The following ATP13A4 variants were observed in gnomAD, a reference collection of about 807,000 sequenced individuals.
ATP13A4 encodes the protein ATPase 13A4, also known as probable cation-transporting ATPase 13A4.
ATP13A4 carries 114 observed loss-of-function variants against 142.5 expected under a neutral mutation model. The observed-to-expected ratio is 0.80, with a 90% CI of 0.69 to 0.93. The LOEUF (loss-of-function observed/expected upper bound fraction) is 0.93. ATP13A4 is among the 40% of genes least tolerant of loss of function. ATP13A4 has a pLI of 0.00. For missense variants in ATP13A4, 1,392 were observed against 1,454.0 expected (o/e 0.96, Z 0.69); for synonymous variants, 488 against 514.8 (o/e 0.95, Z 0.70).
chr3:193,488,378 T>C (rs1384355211), intron 7 of ATP13A4, among the ~76,000 whole-genome samples: 1 of 152,150 alleles, frequency 6.6e-6, no homozygotes, highest in African/African-American at 2.4e-5. Flanking sequence ...ATACAGAAAA[T>C]ATGGTCCTAG....
intron 18 of ATP13A4, among the ~76,000 whole-genome samples, chr3:193,444,077 C>G (rs1716806781): frequency 6.6e-6 from 1 of 152,072 alleles, no homozygotes; most frequent in African/African-American, 2.4e-5. Flanking sequence ...TTTACAGATT[C>G]AAGAAGCTCA....
chr3:193,544,392 A>G (rs1466775482), intron 1 of ATP13A4, among the ~76,000 whole-genome samples: 1 of 152,182 alleles, frequency 6.6e-6, no homozygotes, highest in East Asian at 1.9e-4. Context: ...ACAGAGAGGG[A>G]GAATATGAAT....
intron 1 of ATP13A4, chr3:193,553,529 G>T (rs1723710229): frequency 6.6e-6 from 1 of 152,160 alleles, no homozygotes; most frequent in Admixed American, 6.5e-5. Context: ...ACTTCCTAAA[G>T]AAAACTCTTT....
At chr3:193,520,757 A>G (rs1022072292) in intron 1 of ATP13A4, among the ~76,000 whole-genome samples, 1 of 152,240 alleles carries the variant, frequency 6.6e-6, no homozygotes, top group Non-Finnish European at 1.5e-5. Flanking sequence ...CATGCAGCTG[A>G]GTCCCATTTT....
chr3:193,401,752 C>A lies in ATP13A4; in HGVS notation c.*900G>T, dbSNP rs1490590953. ...AGAGTGTTAAAGCCAAGTGTGGGGA[C>A]CTTCTAAGCATGGGGCCCTGTGTAG... On this transcript the variant is annotated 3_prime_UTR_variant, in exon 30 of 30. Transcript: ENST00000342695. Among the ~76,000 whole-genome samples the A allele has an allele frequency of 1.3e-5, 2 of 152,144 alleles. No homozygotes were observed. The highest frequency in any genetic ancestry group is 2.4e-5 in the African/African-American group (1 of 41,436).
chr3:193,550,308 T>TG (rs1463182690), intron 1 of ATP13A4, among the ~76,000 whole-genome samples: 1 of 141,018 alleles, frequency 7.1e-6, no homozygotes, highest in African/African-American at 2.6e-5. Context: ...ATTTTAGGTT[T>TG]TTTTTTTTTT....
intron 8 of ATP13A4, among the ~76,000 whole-genome samples, 155 bp downstream of exon 8, chr3:193,483,781 T>C (rs1195383042): frequency 6.8e-6 from 1 of 146,794 alleles, no homozygotes; most frequent in African/African-American, 2.5e-5. Flanking sequence ...GTTTTTAAGG[T>C]AAAAAAAAAA....
intron 1 of ATP13A4, among the ~76,000 whole-genome samples, chr3:193,519,739 C>T (rs990843823): frequency 4.9e-5 from 7 of 143,530 alleles, no homozygotes; most frequent in African/African-American, 1.0e-4. Flanking sequence ...CTACCTCCTG[C>T]GTTCCAGTGA....
chr3:193,418,117 G>A (rs796247978), intron 25 of ATP13A4, among the ~76,000 whole-genome samples: 23 of 44,634 alleles, frequency 5.2e-4, no homozygotes, highest in East Asian at 8.4e-4. Flanking sequence ...GCGAGACTCC[G>A]TCTCAAAAAA....
chr3:193,550,513 C>A (rs1723493664), intron 1 of ATP13A4, among the ~76,000 whole-genome samples: 1 of 152,006 alleles, frequency 6.6e-6, no homozygotes, highest in South Asian at 2.1e-4. Flanking sequence ...ACTATGTTGC[C>A]CAGGCTGGTC....
At chr3:193,496,588 T>C (rs921454690) in intron 3 of ATP13A4, among the ~76,000 whole-genome samples, 2 of 151,990 alleles carry the variant, frequency 1.3e-5, no homozygotes, top group Non-Finnish European at 2.9e-5. Flanking sequence ...GTCAGGAGTT[T>C]GAGACCAGCC....
chr3:193,502,802 G>C (rs1284016106), intron 2 of ATP13A4, among the ~76,000 whole-genome samples, 163 bp from the exon 3 acceptor site: 2 of 152,186 alleles, frequency 1.3e-5, no homozygotes, highest in East Asian at 3.8e-4. Context: ...CTAGAACCTT[G>C]AGGGAAAAAG....
At chr3:193,454,856 G>A (rs1019167773) in intron 16 of ATP13A4, among the ~76,000 whole-genome samples, 4 of 152,076 alleles carry the variant, frequency 2.6e-5, no homozygotes, top group Admixed American at 2.6e-4. Flanking sequence ...AGCAAAAATT[G>A]ACAAATGGGA....
chr3:193,460,267 T>C (rs929433992), intron 13 of ATP13A4, among the ~76,000 whole-genome samples: 1 of 152,226 alleles, frequency 6.6e-6, no homozygotes, highest in South Asian at 2.1e-4. Context: ...TCTTCTTTTT[T>C]GGAAAAGTTC....
chr3:193,440,010 G>A (rs1016004457), intron 21 of ATP13A4: 1 of 158,288 alleles, frequency 6.3e-6, no homozygotes, highest in Non-Finnish European at 1.4e-5. Flanking sequence ...CTAAGCGATG[G>A]GCACTTCATT....
At chr3:193,414,343 T>G (rs1714938928) in intron 26 of ATP13A4, among the ~76,000 whole-genome samples, 1 of 152,104 alleles carries the variant, frequency 6.6e-6, no homozygotes. Context: ...TCAAAGATGG[T>G]CATAGATCAT....
At chr3:193,587,300 C>T (rs1356226987) in intron 1 of ATP13A4, among the ~76,000 whole-genome samples, 4 of 152,198 alleles carry the variant, frequency 2.6e-5, no homozygotes, top group African/African-American at 9.7e-5. Context: ...AGGAGAAGTC[C>T]TTGTTTGCTT....
In ATP13A4 at chr3:193,399,033, T is replaced by A. The variant is rs1370277764; in HGVS notation, c.*3619A>T. Among the ~76,000 whole-genome samples, 1 of 152,184 alleles carries A rather than the reference T, an allele frequency of 6.6e-6. No homozygotes were observed. Among genetic ancestry groups the A allele is most frequent in the East Asian group, 1.9e-4 (1 of 5,192 alleles). On this transcript the variant is annotated 3_prime_UTR_variant, in exon 30 of 30. Transcript: ENST00000342695. The stretch of plus-strand genomic sequence containing the variant: ...TACAAAGCTCTGAATAAATAATCGT[T>A]TTTTTCAGTCATCACATCTGCAGGT...
intron 2 of ATP13A4, among the ~76,000 whole-genome samples, chr3:193,512,981 C>T (rs1467747003): frequency 1.3e-5 from 2 of 152,242 alleles, no homozygotes; most frequent in Non-Finnish European, 2.9e-5. Context: ...ATATCACTTG[C>T]TCTTATTCCA....
Sources: gnomAD v4.1 joint callset for allele counts (sites outside exome capture counted in the v4.1 genomes callset) on GRCh38, gnomAD v4.1.1 for gene constraint, MANE v1.5 for transcripts, NCBI Gene and HGNC (gene_info 2026-07-23, HGNC 2026-07-21) for gene names.